CASK: variants seen among roughly 807,000 people sequenced by gnomAD.
The protein encoded by CASK is peripheral plasma membrane protein CASK.
Under a neutral mutation model 82.9 loss-of-function variants are expected in CASK, and 4 were observed. The ratio of observed to expected loss-of-function variants is 0.05; its 90% CI spans 0.02 to 0.11. The LOEUF is 0.11. CASK is among the 10% of genes least tolerant of loss of function. CASK has a pLI of 1.00. For missense variants in CASK, 358 were observed against 720.9 expected (o/e 0.50, Z 5.76); for synonymous variants, 259 against 253.5 (o/e 1.02, Z -0.20).
chrX:41,667,812 T>C (rs914231540), intron 6 of CASK, among the ~76,000 whole-genome samples: 3 of 111,422 alleles, frequency 2.7e-5, no homozygotes, highest in African/African-American at 9.8e-5. Context: ...TCTTGATGAC[T>C]CAGAGTTGTC....
rs992660571 is a variant in CASK at position 41,693,161 on chromosome X, C to T, written c.430-21631G>A. ...TCTCAAAATCACATTACTTCTTGTG[C>T]CTCAATTCCCTGAACCTATGAGAGC... On this transcript the variant is annotated intron_variant, in intron 5 of 26. Transcript: ENST00000378163. 5.4e-5 allele frequency among the ~76,000 whole-genome samples: 6 copies of T among 111,408 alleles called. No individual in the cohort carries two copies. The Admixed American group carries it at 5.7e-4, about 11-fold the overall frequency.
At chrX:41,806,363 A>G (rs1295765656) in intron 2 of CASK, among the ~76,000 whole-genome samples, 1 of 112,421 alleles carries the variant, frequency 8.9e-6, no homozygotes, top group Non-Finnish European at 1.9e-5. Flanking sequence ...GACATTAAAT[A>G]TAACAGAAAC....
At chrX:41,849,106 C>A (rs2071212203) in intron 2 of CASK, among the ~76,000 whole-genome samples, 1 of 111,319 alleles carries the variant, frequency 9.0e-6, no homozygotes, top group African/African-American at 3.3e-5. Context: ...GAAGACTAAG[C>A]AAACTGGAGC....
intron 1 of CASK, among the ~76,000 whole-genome samples, chrX:41,864,671 TG>T (rs1368577305): frequency 8.9e-6 from 1 of 112,298 alleles, no homozygotes; most frequent in Non-Finnish European, 1.9e-5. Flanking sequence ...TAAATTCTTA[TG>T]GGGGGTAATC....
rs958534586 is a variant in CASK, at chrX:41,841,532, G to C, written c.172+11583C>G. Among the ~76,000 whole-genome samples the C allele has an allele frequency of 3.2e-5, 3 of 95,017 alleles. No homozygotes were observed. The Admixed American group carries it at 3.6e-4, about 11-fold the overall frequency. The allele number at this position is 95,017 out of a possible 115,157, so 82.5% of individuals were successfully genotyped here. Reference sequence around the variant, plus strand: ...TTTTGTTTTTTTTTTTTTTTTGGGTGGGGGGGACAGTCTCGCTCTGTCACC... The same window carrying C: ...TTTTGTTTTTTTTTTTTTTTTGGGTCGGGGGGACAGTCTCGCTCTGTCACC... On this transcript the variant is annotated intron_variant, in intron 2 of 26. Transcript: ENST00000378163.
intron 2 of CASK, among the ~76,000 whole-genome samples, chrX:41,848,722 G>A (rs1307948008): frequency 1.3e-4 from 15 of 111,976 alleles, no homozygotes; most frequent in Non-Finnish European, 1.9e-5. Context: ...ATGGGAATGC[G>A]GCCTTAGAGG....
At chrX:41,606,332 C>T (rs1305471862) in intron 12 of CASK, among the ~76,000 whole-genome samples, 1 of 112,269 alleles carries the variant, frequency 8.9e-6, no homozygotes, top group African/African-American at 3.2e-5. Context: ...GTGGCACGAT[C>T]TCGGCTCACT....
intron 10 of CASK, chrX:41,624,330 G>A (rs1262651387): frequency 1.5e-5 from 5 of 340,761 alleles, no homozygotes; most frequent in African/African-American, 2.6e-5. Flanking sequence ...TTTCATGTGG[G>A]AAGGGCTCTG....
At chrX:41,691,376 T>C (rs2067554506) in intron 5 of CASK, among the ~76,000 whole-genome samples, 1 of 112,312 alleles carries the variant, frequency 8.9e-6, no homozygotes, top group Non-Finnish European at 1.9e-5. Context: ...GAAGTAAAGC[T>C]AGATGGCATA....
intron 12 of CASK, among the ~76,000 whole-genome samples, chrX:41,595,661 A>T (rs2065811088): frequency 8.9e-6 from 1 of 111,778 alleles, no homozygotes; most frequent in South Asian, 3.8e-4. Flanking sequence ...CAACTCCTCC[A>T]TTTTAAAAAG....
chrX:41,909,395 GTCTT>G (rs1324145789), intron 1 of CASK, among the ~76,000 whole-genome samples: 1 of 112,113 alleles, frequency 8.9e-6, no homozygotes. Context: ...ATACTCAGAA[GTCTT>G]TCTTTACTTT....
intron 24 of CASK, among the ~76,000 whole-genome samples, chrX:41,534,095 C>T (rs557290425): frequency 1.8e-5 from 2 of 111,373 alleles, no homozygotes; most frequent in African/African-American, 3.3e-5. Flanking sequence ...CTTCATTTTA[C>T]AATTGAGAAA....
At chrX:41,856,278 G>A (rs1313781996) in intron 1 of CASK, among the ~76,000 whole-genome samples, 1 of 111,575 alleles carries the variant, frequency 9.0e-6, no homozygotes, top group Non-Finnish European at 1.9e-5. Context: ...AAAAAGGATT[G>A]GGAGTACAAG....
chrX:41,603,639 G>A (rs2065922265), intron 12 of CASK, among the ~76,000 whole-genome samples: 3 of 111,871 alleles, frequency 2.7e-5, no homozygotes, highest in South Asian at 3.7e-4. Flanking sequence ...TCAATAAATT[G>A]CTATATTAAT....
At position 41,711,216 on chromosome X, in the gene CASK, T is replaced by C. The variant is rs749311977; in HGVS notation, c.429+28168A>G. Among the ~76,000 whole-genome samples the C allele has an allele frequency of 7.1e-5, 8 of 112,125 alleles. No homozygotes were observed. The East Asian group carries it at 2.2e-3, about 31-fold the overall frequency. On this transcript the variant is annotated intron_variant, in intron 5 of 26. Transcript: ENST00000378163. Reference sequence around the variant, plus strand: ...GAATCTGATGCTATCTCTAGGTACATAGTGTCAGAACATAACTGAATTAGA... The same window carrying C: ...GAATCTGATGCTATCTCTAGGTACACAGTGTCAGAACATAACTGAATTAGA...
intron 5 of CASK, among the ~76,000 whole-genome samples, chrX:41,730,329 C>T (rs1177190785): frequency 9.0e-6 from 1 of 111,069 alleles, no homozygotes; most frequent in Non-Finnish European, 1.9e-5. Context: ...CAAAAATCAC[C>T]AGAGGTTATT....
intron 3 of CASK, among the ~76,000 whole-genome samples, chrX:41,758,535 G>C (rs2068939333): frequency 9.1e-6 from 1 of 110,491 alleles, no homozygotes; most frequent in Non-Finnish European, 1.9e-5. Context: ...TGGGGGAGTG[G>C]TGGTGACTAC....
chrX:41,738,713 G>A (rs189512856), intron 5 of CASK, among the ~76,000 whole-genome samples: 1 of 111,421 alleles, frequency 9.0e-6, no homozygotes, highest in African/African-American at 3.3e-5. Context: ...GGGTCAAAGG[G>A]ACCTCAGGGG....
intron 5 of CASK, chrX:41,726,911 GT>G: frequency 2.6e-6 from 1 of 383,571 alleles, no homozygotes; most frequent in African/African-American, 2.6e-5. Context: ...TTAATTCAAT[GT>G]TTTTCTTTTT....
Sources: gnomAD v4.1 joint callset for allele counts (sites outside exome capture counted in the v4.1 genomes callset) on GRCh38, gnomAD v4.1.1 for gene constraint, MANE v1.5 for transcripts, NCBI Gene and HGNC (gene_info 2026-07-23, HGNC 2026-07-21) for gene names.